PKP4: variants seen among roughly 807,000 people sequenced by gnomAD.
The protein encoded by PKP4 is plakophilin-4.
In PKP4, 90 loss-of-function variants were observed where a neutral mutation model predicts 145.1. The ratio of observed to expected loss-of-function variants is 0.62; its 90% confidence interval spans 0.52 to 0.74. The LOEUF (loss-of-function observed/expected upper bound fraction) is 0.74, where lower values mean the gene tolerates loss of function less well. PKP4 is among the 30% of genes least tolerant of loss of function. PKP4 has a pLI of 0.00. For synonymous variants in PKP4, 563 were observed against 577.2 expected (o/e 0.98, Z 0.35); for missense variants, 1,340 against 1,482.7 (o/e 0.90, Z 1.58).
At chr2:158,467,756 A>G (rs965596044) in intron 1 of PKP4, among the ~76,000 whole-genome samples, 10 of 152,160 alleles carry the variant, frequency 6.6e-5, no homozygotes, top group Non-Finnish European at 1.2e-4. Flanking sequence ...CTGAGGTAGA[A>G]GGATTGCTTG....
intron 2 of PKP4, among the ~76,000 whole-genome samples, chr2:158,576,899 T>C (rs1465355251): frequency 6.6e-6 from 1 of 152,144 alleles, no homozygotes; most frequent in Non-Finnish European, 1.5e-5. Flanking sequence ...ATAAGAAATA[T>C]AAAAACTAGC....
At chr2:158,484,765 A>G (rs1559207320) in intron 1 of PKP4, among the ~76,000 whole-genome samples, 1 of 152,218 alleles carries the variant, frequency 6.6e-6, no homozygotes, top group Non-Finnish European at 1.5e-5. Context: ...TTCTTTTAAG[A>G]TGTGGTAACA....
At chr2:158,535,622 C>T (rs933170411) in intron 2 of PKP4, among the ~76,000 whole-genome samples, 1 of 152,022 alleles carries the variant, frequency 6.6e-6, no homozygotes, top group African/African-American at 2.4e-5. Flanking sequence ...GTCTCACTAC[C>T]TTGCCTAGAC....
rs1558925289 is a variant in PKP4 at position 158,634,129 on chromosome 2, A to G, written c.1402A>G (p.Asn468Asp). 6.2e-7 allele frequency: 1 copy of G among 1,614,132 alleles called. No individual in the cohort carries two copies. Among genetic ancestry groups the G allele is most frequent in the South Asian group, 1.1e-5 (1 of 91,082 alleles). ...ACGAAGTACCCTTACATACCAAAGAAATAATTATGCTCTGAACACAACAGC... is the reference window on the plus strand; with the variant it reads ...ACGAAGTACCCTTACATACCAAAGAGATAATTATGCTCTGAACACAACAGC... ...SQRSTLTYQR[N>D]NYALNTTATY... The change falls in exon 9 of 22, where the codon AAT becomes GAT. Residue 468 changes from asparagine (N) to aspartate (D), a missense_variant. Physicochemically the swap from Asn to Asp is conservative, Grantham distance 23. Transcript: ENST00000389759.
chr2:158,525,903 C>T lies in PKP4; in HGVS notation c.-5-7277C>T, dbSNP rs969046799. On this transcript the variant is annotated intron_variant, in intron 1 of 21. Coordinates refer to ENST00000389759, the MANE Select transcript of PKP4 (RefSeq NM_003628.6). Reference sequence around the variant, plus strand: ...ATCTAGAAGAAATGGATAAATTCCTCGACACGTACACTCTCCCAAGACTAA... The same window carrying T: ...ATCTAGAAGAAATGGATAAATTCCTTGACACGTACACTCTCCCAAGACTAA... Among the ~76,000 whole-genome samples the T allele has an allele frequency of 7.9e-5, 12 of 150,988 alleles. No homozygotes were observed. In the East Asian group the frequency reaches 1.0e-3, roughly 13 times the overall value.
In PKP4 at chr2:158,533,366, A is replaced by G. The variant is rs759303168; in HGVS notation, c.132+50A>G. Reference sequence around the variant, plus strand: ...AGTGAATTATTTCTTTAATGCCTTTAAAAAATTAATCTTTGGATATGTTTT... The same window carrying G: ...AGTGAATTATTTCTTTAATGCCTTTGAAAAATTAATCTTTGGATATGTTTT... On this transcript the variant is annotated intron_variant, in intron 2 of 21. Transcript: ENST00000389759. 4 of 1,597,200 alleles carry G rather than the reference A, an allele frequency of 2.5e-6. No individual in the cohort carries two copies. The South Asian group carries it at 4.4e-5, about 18-fold the overall frequency.
At chr2:158,533,604 AAG>A (rs2043776327) in intron 2 of PKP4, 1 of 460,538 alleles carries the variant, frequency 2.2e-6, no homozygotes, top group Non-Finnish European at 4.3e-6. Flanking sequence ...CATGCACGCA[AAG>A]CTGTGTAAAG....
intron 2 of PKP4, among the ~76,000 whole-genome samples, chr2:158,533,846 G>T (rs980046977): frequency 2.0e-5 from 3 of 152,012 alleles, no homozygotes; most frequent in African/African-American, 7.2e-5. Context: ...TGTTTATGTT[G>T]ATTTTTTTAA....
At chr2:158,653,302 T>G (rs1383535814) in intron 11 of PKP4, among the ~76,000 whole-genome samples, 1 of 151,870 alleles carries the variant, frequency 6.6e-6, no homozygotes, top group Non-Finnish European at 1.5e-5. Flanking sequence ...ATTATTTTAA[T>G]TAATCAGTAA....
At chr2:158,559,764 T>G (rs777301174) in intron 2 of PKP4, among the ~76,000 whole-genome samples, 6 of 152,198 alleles carry the variant, frequency 3.9e-5, no homozygotes, top group Non-Finnish European at 7.3e-5. Context: ...AAGGAATTTC[T>G]TAAAAGAGTA....
intron 2 of PKP4, chr2:158,548,900 A>G (rs898994007): frequency 5.3e-6 from 1 of 187,140 alleles, no homozygotes; most frequent in Non-Finnish European, 1.1e-5. Flanking sequence ...GTGATCGCAC[A>G]TGACATGGAT....
intron 1 of PKP4, among the ~76,000 whole-genome samples, chr2:158,487,212 T>C (rs1694294032): frequency 1.3e-5 from 2 of 152,184 alleles, no homozygotes; most frequent in Admixed American, 1.3e-4. Context: ...GCAAGTGACA[T>C]AGTAGAGCCT....
At chr2:158,637,945 C>A (rs1381916237) in intron 9 of PKP4, among the ~76,000 whole-genome samples, 1 of 152,236 alleles carries the variant, frequency 6.6e-6, no homozygotes, top group Admixed American at 6.5e-5. Flanking sequence ...AGCCTAATTG[C>A]CCAGCTCTGG....
chr2:158,667,129 G>T (rs1033218846), intron 16 of PKP4, among the ~76,000 whole-genome samples: 2 of 152,156 alleles, frequency 1.3e-5, no homozygotes, highest in African/African-American at 4.8e-5. Context: ...TACAAGGTAG[G>T]GTTGGCACAT....
chr2:158,472,835 A>G (rs1322068933), intron 1 of PKP4, among the ~76,000 whole-genome samples: 1 of 152,208 alleles, frequency 6.6e-6, no homozygotes, highest in Non-Finnish European at 1.5e-5. Context: ...TGTTACAAGC[A>G]TGAAATGTTA....
intron 20 of PKP4, chr2:158,677,184 G>A (rs1293124419): frequency 2.7e-6 from 1 of 370,586 alleles, no homozygotes; most frequent in Admixed American, 3.7e-5. Flanking sequence ...CTCCTGGCTC[G>A]AGCAGTCTCT....
At chr2:158,629,923 G>A (rs1399273550) in intron 7 of PKP4, among the ~76,000 whole-genome samples, 3 of 151,982 alleles carry the variant, frequency 2.0e-5, no homozygotes, top group Non-Finnish European at 4.4e-5. Flanking sequence ...TAGTAGAGTC[G>A]GGGTTTCACC....
Position 158,469,529 on chromosome 2 carries a change from G to T in PKP4, c.-6+12311G>T, listed in dbSNP as rs547400818. Among the ~76,000 whole-genome samples the T allele has an allele frequency of 5.9e-5, 9 of 152,176 alleles. No homozygotes were observed. In the East Asian group the frequency reaches 1.7e-3, roughly 29 times the overall value. ...TGAAGTCTTCGTGATTGATACTTTG[G>T]TTAGTTTTTATTAATGTCTTTTCTA... is the stretch of plus-strand genomic sequence containing the variant. On this transcript the variant is annotated intron_variant, in intron 1 of 21. Coordinates refer to ENST00000389759, the MANE Select transcript of PKP4 (RefSeq NM_003628.6).
chr2:158,631,936 G>C lies in PKP4; in HGVS notation c.1337G>C (p.Gly446Ala). 1 of 1,613,362 alleles carries C rather than the reference G, an allele frequency of 6.2e-7. No individual in the cohort carries two copies. The highest frequency in any genetic ancestry group is 1.7e-5 in the Admixed American group (1 of 60,022). Residue 446 changes from glycine to alanine, a missense_variant, in exon 8 of 22, where the codon GGT becomes GCT. Physicochemically the swap from Gly to Ala is moderately conservative, Grantham distance 60 (BLOSUM62 0). Transcript: ENST00000389759. Reference sequence around the variant, plus strand: ...TCGCAGACGGCGTTGTATCGCACAGGTTCAGGTGGGCATCAACTCTGTTTA... The same window carrying C: ...TCGCAGACGGCGTTGTATCGCACAGCTTCAGGTGGGCATCAACTCTGTTTA... ...QGSQTALYRT[G>A]SVGIGNLQRT...
Sources: gnomAD v4.1 joint callset for allele counts (sites outside exome capture counted in the v4.1 genomes callset) on GRCh38, gnomAD v4.1.1 for gene constraint, MANE v1.5 for transcripts, NCBI Gene and HGNC (gene_info 2026-07-23, HGNC 2026-07-21) for gene names.